Variants in SPART observed in about 807,000 individuals in gnomAD.
SPART encodes the protein spartin, also known as spastic paraplegia 20 (Troyer syndrome).
In SPART, 35 loss-of-function variants were observed where a neutral mutation model predicts 58.7. That is an observed-to-expected ratio of 0.60 (90% CI 0.46 to 0.79). SPART has a LOEUF of 0.79. Among genes scored for constraint, SPART ranks in the 30% least tolerant of loss-of-function variants. The probability of loss-of-function intolerance (pLI) is 0.00; values close to 1 mark genes in which losing one functional copy is unlikely to be tolerated. For synonymous variants in SPART, 284 were observed against 280.7 expected (o/e 1.01, Z -0.12); for missense variants, 730 against 786.1 (o/e 0.93, Z 0.85).
At chr13:36,355,897 C>T (rs1315320323) in intron 1 of SPART, among the ~76,000 whole-genome samples, 1 of 152,050 alleles carries the variant, frequency 6.6e-6, no homozygotes, top group Non-Finnish European at 1.5e-5. Flanking sequence ...GCATTAACAT[C>T]AACACAGACT....
At chr13:36,349,117 C>T (rs1288337431), upstream of SPART, among the ~76,000 whole-genome samples, 4 of 152,028 alleles carry the variant, frequency 2.6e-5, no homozygotes, top group Non-Finnish European at 5.9e-5. Context: ...TACAAAATTA[C>T]CTGGGCGTGG....
intron 5 of SPART, among the ~76,000 whole-genome samples, chr13:36,315,475 C>T (rs1390623920): frequency 2.6e-5 from 4 of 152,214 alleles, no homozygotes; most frequent in African/African-American, 9.7e-5. Context: ...CATGAATAAG[C>T]ATCCAGCAAT....
In SPART at chr13:36,314,389, C is replaced by T; in HGVS notation, c.1321G>A (p.Gly441Ser). ...ASWVSWGLVK[G>S]AEITGKAIQK... is the part of the protein sequence containing the mutation. ...ATTGCCTTACCAGTAATCTCAGCACCTTTGACTAAACCCCAACTCACCCAG... is the reference window on the plus strand; with the variant it reads ...ATTGCCTTACCAGTAATCTCAGCACTTTTGACTAAACCCCAACTCACCCAG... Residue 441 changes from glycine to serine, a missense_variant, in exon 6 of 9, where the codon GGT (glycine) becomes AGT (serine). Transcript: ENST00000438666. 1 of 1,614,064 alleles carries T rather than the reference C, an allele frequency of 6.2e-7. No homozygotes were observed. The highest frequency in any genetic ancestry group is 8.5e-7 in the Non-Finnish European group (1 of 1,180,000).
At chr13:36,322,322 C>T (rs184365191) in intron 5 of SPART, among the ~76,000 whole-genome samples, 19 of 152,258 alleles carry the variant, frequency 1.2e-4, no homozygotes, top group Non-Finnish European at 2.8e-4. Context: ...TGGTGTGCAC[C>T]TGTAGTCCCA....
chr13:36,314,324 T>A lies in SPART; in HGVS notation c.1386A>T (p.Pro462=). Reference sequence around the variant, plus strand: ...GACTAACTTCCACGGGTTTTTCTTCTGGTTGAATCCGCTCTCGGAGTTTAG... The same window carrying A: ...GACTAACTTCCACGGGTTTTTCTTCAGGTTGAATCCGCTCTCGGAGTTTAG... The part of the protein sequence containing the change: ...GASKLRERIQ[P]EEKPVEVSPA... The change falls in exon 6 of 9, where the codon CCA becomes CCT. Residue 462 remains proline (P), a synonymous_variant. Transcript: ENST00000438666. 1 of 1,614,198 alleles carries A rather than the reference T, an allele frequency of 6.2e-7. No homozygotes were observed. The highest frequency in any genetic ancestry group is 8.5e-7 in the Non-Finnish European group (1 of 1,180,030).
chr13:36,323,350 C>T (rs1257251334), intron 5 of SPART, among the ~76,000 whole-genome samples: 1 of 152,196 alleles, frequency 6.6e-6, no homozygotes, highest in African/African-American at 2.4e-5. Context: ...TACCTCCTTC[C>T]AAATTAGCTT....
chr13:36,322,587 T>C (rs1411661051), intron 5 of SPART, among the ~76,000 whole-genome samples: 2 of 152,224 alleles, frequency 1.3e-5, no homozygotes, highest in African/African-American at 4.8e-5. Context: ...ATGAGAAATA[T>C]GAGTTTAAAA....
At chr13:36,352,584 T>C (rs1885459048) in intron 1 of SPART, among the ~76,000 whole-genome samples, 1 of 152,144 alleles carries the variant, frequency 6.6e-6, no homozygotes, top group East Asian at 1.9e-4. Context: ...CAGCATTTTG[T>C]AATACTGTCA....
At chr13:36,326,547 G>A (rs751586207) in intron 5 of SPART, 28 bp downstream of exon 5, 36 of 1,612,202 alleles carry the variant, frequency 2.2e-5, no homozygotes, top group Non-Finnish European at 2.9e-5. Flanking sequence ...ATGTCATACA[G>A]GGAAAAAAAT....
intron 1 of SPART, among the ~76,000 whole-genome samples, chr13:36,337,879 T>G (rs572840152): frequency 6.6e-6 from 1 of 152,140 alleles, no homozygotes; most frequent in East Asian, 1.9e-4. Flanking sequence ...GTTTTCAACT[T>G]AACAAGAAAA....
At chr13:36,364,157 C>G (rs1009205601) in intron 1 of SPART, among the ~76,000 whole-genome samples, 1 of 152,168 alleles carries the variant, frequency 6.6e-6, no homozygotes, top group Non-Finnish European at 1.5e-5. Flanking sequence ...CCTGGACCCT[C>G]TTATTAGTAA....
Position 36,337,968 on chromosome 13 carries a change from A to G in SPART, c.-2-2136T>C, listed in dbSNP as rs140703934. Among the ~76,000 whole-genome samples the G allele has an allele frequency of 1.2e-3, 186 of 152,314 alleles. 2 individuals are homozygous for G. Among genetic ancestry groups the G allele is most frequent in the Non-Finnish European group, 2.1e-3 (141 of 68,024 alleles). ...CCTGAAATTGTGAAGAAGGAAAAAG[A>G]AATTAGTGCCAGTTTTGCTGTTGTC... On this transcript the variant is annotated intron_variant, in intron 1 of 8. Transcript: ENST00000438666.
At chr13:36,353,762 T>G (rs1209575423) in intron 1 of SPART, among the ~76,000 whole-genome samples, 1 of 152,192 alleles carries the variant, frequency 6.6e-6, no homozygotes, top group African/African-American at 2.4e-5. Context: ...TTTGACCATT[T>G]TTTTGTGGTT....
intron 1 of SPART, among the ~76,000 whole-genome samples, chr13:36,369,056 T>C (rs749590077): frequency 5.9e-5 from 9 of 152,260 alleles, no homozygotes; most frequent in Non-Finnish European, 1.2e-4. Context: ...TAAATAATGC[T>C]ATTTTTCTCA....
chr13:36,351,620 T>A lies in SPART; in HGVS notation c.-2-15788A>T, dbSNP rs531695035. ...TGTTCTCGGAAGAAAAATCTACTTG[T>A]TAATGGACTTTAGGAATGATATATG... On this transcript the variant is annotated intron_variant, in intron 1 of 8. Coordinates refer to the SPART transcript ENST00000355182. Among the ~76,000 whole-genome samples, 12 of 152,318 alleles carry A rather than the reference T, an allele frequency of 7.9e-5. 1 individual carries two copies. The South Asian group carries it at 2.5e-3, about 32-fold the overall frequency.
chr13:36,312,562 G>C, intron 6 of SPART, 85 bp from the exon 7 acceptor site: 1 of 1,336,192 alleles, frequency 7.5e-7, no homozygotes, highest in South Asian at 1.2e-5. Flanking sequence ...ATTCTTAAAT[G>C]AACATCTAAA....
chr13:36,320,431 T>C (rs2137403870), intron 5 of SPART, among the ~76,000 whole-genome samples: 1 of 152,320 alleles, frequency 6.6e-6, no homozygotes, highest in East Asian at 1.9e-4. Flanking sequence ...GATTTATTGA[T>C]GGCAGTTCCA....
chr13:36,309,099 C>G (rs1880810947), intron 8 of SPART, among the ~76,000 whole-genome samples: 1 of 151,992 alleles, frequency 6.6e-6, no homozygotes, highest in African/African-American at 2.4e-5. Flanking sequence ...AAAAAATTAG[C>G]CGGTCATGGT....
At chr13:36,354,500 C>A (rs2137700522) in intron 1 of SPART, among the ~76,000 whole-genome samples, 1 of 152,266 alleles carries the variant, frequency 6.6e-6, no homozygotes, top group African/African-American at 2.4e-5. Flanking sequence ...AATAAAAATC[C>A]TGGACACCAA....
Sources: gnomAD v4.1 joint callset for allele counts (sites outside exome capture counted in the v4.1 genomes callset) on GRCh38, gnomAD v4.1.1 for gene constraint, MANE v1.5 for transcripts, NCBI Gene and HGNC (gene_info 2026-07-23, HGNC 2026-07-21) for gene names.